The following NLGN1 variants were observed in gnomAD, a reference collection of about 807,000 sequenced individuals.
NLGN1 encodes neuroligin-1.
Under a neutral mutation model 65.5 loss-of-function variants are expected in NLGN1, and 12 were observed. That is an observed-to-expected ratio of 0.18 (90% CI 0.12 to 0.30). NLGN1 has a LOEUF of 0.30. Ranked by LOEUF, NLGN1 falls within the 10% of genes least tolerant of loss-of-function variation. The probability of loss-of-function intolerance (pLI) is 1.00; values close to 1 mark genes in which losing one functional copy is unlikely to be tolerated. For missense variants in NLGN1, 750 were observed against 1,007.1 expected (o/e 0.74, Z 3.46); for synonymous variants, 350 against 359.5 (o/e 0.97, Z 0.30).
chr3:173,860,349 A>G (rs1728816259), intron 4 of NLGN1, among the ~76,000 whole-genome samples: 1 of 152,060 alleles, frequency 6.6e-6, no homozygotes, highest in Non-Finnish European at 1.5e-5. Context: ...GGGGTTTCCA[A>G]ATTTCTGAAC....
chr3:174,011,599 A>G (rs1310902692), intron 4 of NLGN1, among the ~76,000 whole-genome samples: 2 of 152,112 alleles, frequency 1.3e-5, no homozygotes, highest in Non-Finnish European at 2.9e-5. Context: ...TGCATTGAAG[A>G]AACCTGGGTT....
intron 2 of NLGN1, among the ~76,000 whole-genome samples, chr3:173,585,439 AT>A (rs1268720384): frequency 6.6e-6 from 1 of 151,870 alleles, no homozygotes; most frequent in Non-Finnish European, 1.5e-5. Flanking sequence ...CTAGGGGGAT[AT>A]TTTGCAGGGG....
chr3:173,663,638 G>GA (rs1177341459), intron 3 of NLGN1, among the ~76,000 whole-genome samples: 1 of 151,888 alleles, frequency 6.6e-6, no homozygotes, highest in Non-Finnish European at 1.5e-5. Flanking sequence ...AAATGAATCA[G>GA]AAAAAAGCTG....
At position 174,027,145 on chromosome 3, in the gene NLGN1, T is replaced by C. The variant is rs554022901; in HGVS notation, c.646+219313T>C. ...CATCTTCACCAAGCCTTTAAAGCAATATAAATTTATACTGAGGTTCCTGCA... is the reference window on the plus strand; with the variant it reads ...CATCTTCACCAAGCCTTTAAAGCAACATAAATTTATACTGAGGTTCCTGCA... On this transcript the variant is annotated intron_variant, in intron 4 of 6. Coordinates refer to ENST00000457714, the Ensembl canonical transcript of NLGN1. Among the ~76,000 whole-genome samples the C allele has an allele frequency of 2.0e-5, 3 of 150,844 alleles. No homozygotes were observed. The East Asian group carries it at 5.9e-4, about 30-fold the overall frequency.
At chr3:173,658,176 A>G (rs535486295) in intron 3 of NLGN1, among the ~76,000 whole-genome samples, 3 of 152,140 alleles carry the variant, frequency 2.0e-5, no homozygotes, top group African/African-American at 7.2e-5. Flanking sequence ...GGCACCCCAT[A>G]TAAAACTATG....
At chr3:173,490,194 C>T (rs1677415123) in intron 2 of NLGN1, among the ~76,000 whole-genome samples, 1 of 152,042 alleles carries the variant, frequency 6.6e-6, no homozygotes, top group African/African-American at 2.4e-5. Context: ...TTTTTATTGC[C>T]TAGGTTTTCT....
At chr3:174,035,165 G>A (rs1730862520) in intron 4 of NLGN1, among the ~76,000 whole-genome samples, 1 of 151,978 alleles carries the variant, frequency 6.6e-6, no homozygotes, top group South Asian at 2.1e-4. Context: ...TTGGTGAGTG[G>A]TATTTACTCT....
chr3:174,267,426 A>T (rs1052662886), intron 4 of NLGN1, among the ~76,000 whole-genome samples: 7 of 152,192 alleles, frequency 4.6e-5, no homozygotes, highest in Admixed American at 3.3e-4. Context: ...GGGAGGAAAC[A>T]GATATCCAAA....
intron 2 of NLGN1, among the ~76,000 whole-genome samples, chr3:173,436,057 C>T (rs1718089060): frequency 6.6e-6 from 1 of 152,164 alleles, no homozygotes; most frequent in Non-Finnish European, 1.5e-5. Context: ...AATCAAACAA[C>T]ACATGATGTA....
intron 2 of NLGN1, among the ~76,000 whole-genome samples, chr3:173,452,783 T>C (rs1231808845): frequency 2.0e-5 from 3 of 152,214 alleles, no homozygotes; most frequent in Non-Finnish European, 4.4e-5. Flanking sequence ...TCAGAAATAC[T>C]GTGTGTTCGG....
intron 2 of NLGN1, among the ~76,000 whole-genome samples, chr3:173,473,466 C>A (rs1270898734): frequency 2.6e-5 from 4 of 152,096 alleles, no homozygotes; most frequent in Admixed American, 2.0e-4. Context: ...AGAATGAATT[C>A]AACTTTCCCT....
intron 2 of NLGN1, among the ~76,000 whole-genome samples, chr3:173,595,479 A>C (rs758316692): frequency 6.6e-6 from 1 of 152,126 alleles, no homozygotes; most frequent in Non-Finnish European, 1.5e-5. Flanking sequence ...TATATTTGTC[A>C]AAATCATTTA....
intron 3 of NLGN1, among the ~76,000 whole-genome samples, chr3:173,646,129 A>G (rs1486187202): frequency 6.6e-6 from 1 of 152,154 alleles, no homozygotes; most frequent in African/African-American, 2.4e-5. Context: ...GACCACACTC[A>G]GACACTTAGG....
intron 4 of NLGN1, among the ~76,000 whole-genome samples, chr3:174,077,581 A>G (rs1198020338): frequency 6.6e-6 from 1 of 150,554 alleles, no homozygotes; most frequent in East Asian, 2.0e-4. Context: ...TTTTTTTGAG[A>G]TAGTCTCTCT....
At chr3:173,958,878 G>A (rs961522653) in intron 4 of NLGN1, among the ~76,000 whole-genome samples, 1 of 152,216 alleles carries the variant, frequency 6.6e-6, no homozygotes, top group Non-Finnish European at 1.5e-5. Context: ...TCTGGAGGGG[G>A]CCTAGGCAGC....
At chr3:174,076,501 C>A (rs1013802110) in intron 4 of NLGN1, among the ~76,000 whole-genome samples, 1 of 152,142 alleles carries the variant, frequency 6.6e-6, no homozygotes, top group Non-Finnish European at 1.5e-5. Flanking sequence ...GAGGCCCAGA[C>A]AGCGTTCCTC....
chr3:173,423,300 C>T (rs781098031), intron 1 of NLGN1, among the ~76,000 whole-genome samples: 5 of 152,138 alleles, frequency 3.3e-5, no homozygotes, highest in Non-Finnish European at 2.9e-5. Flanking sequence ...CCCTTGGCTC[C>T]TCCCAAATCC....
At chr3:173,794,796 C>G (rs1249002480) in intron 3 of NLGN1, among the ~76,000 whole-genome samples, 1 of 152,180 alleles carries the variant, frequency 6.6e-6, no homozygotes, top group Admixed American at 6.5e-5. Context: ...TCCCCAGATG[C>G]TATCATTTTT....
chr3:173,592,570 CT>C (rs1018455740), intron 2 of NLGN1, among the ~76,000 whole-genome samples: 14 of 152,284 alleles, frequency 9.2e-5, no homozygotes, highest in Non-Finnish European at 1.5e-4. Flanking sequence ...TTCGTCCCCC[CT>C]GGCTGCAAGT....
Sources: gnomAD v4.1 joint callset for allele counts (sites outside exome capture counted in the v4.1 genomes callset) on GRCh38, gnomAD v4.1.1 for gene constraint, MANE v1.5 for transcripts, NCBI Gene and HGNC (gene_info 2026-07-23, HGNC 2026-07-21) for gene names.